The following SPECC1 variants were observed in gnomAD, a reference collection of about 807,000 sequenced individuals.
SPECC1 encodes sperm antigen with calponin homology and coiled-coil domains 1.
In SPECC1, 62 loss-of-function variants were observed where a neutral mutation model predicts 104.1. The observed-to-expected ratio is 0.60, with a 90% CI of 0.49 to 0.74. SPECC1 has a LOEUF of 0.74. Ranked by LOEUF, SPECC1 falls within the 30% of genes least tolerant of loss-of-function variation. The probability of loss-of-function intolerance (pLI) is 0.00; values close to 1 mark genes in which losing one functional copy is unlikely to be tolerated. For synonymous variants in SPECC1, 513 were observed against 501.6 expected (o/e 1.02, Z -0.30); for missense variants, 1,306 against 1,310.5 (o/e 1.00, Z 0.05).
chr17:20,045,160 T>G (rs1411000629), intron 1 of SPECC1, among the ~76,000 whole-genome samples: 1 of 152,122 alleles, frequency 6.6e-6, no homozygotes, highest in Non-Finnish European at 1.5e-5. Context: ...CACACTAGAT[T>G]TTTTTTTCCA....
chr17:20,197,959 A>G (rs1012132982), intron 3 of SPECC1, among the ~76,000 whole-genome samples: 1 of 152,176 alleles, frequency 6.6e-6, no homozygotes, highest in Non-Finnish European at 1.5e-5. Flanking sequence ...AACTGTTTGC[A>G]TAGAGAGTGA....
intron 11 of SPECC1, 149 bp downstream of exon 11, chr17:20,257,756 C>A: frequency 1.8e-6 from 2 of 1,100,338 alleles, no homozygotes; most frequent in Middle Eastern, 2.0e-4. Flanking sequence ...CTTGGTGAGT[C>A]TAAAAGGATG....
intron 13 of SPECC1, among the ~76,000 whole-genome samples, chr17:20,301,990 A>T (rs750747630): frequency 7.2e-5 from 11 of 152,226 alleles, no homozygotes; most frequent in Non-Finnish European, 1.6e-4. Flanking sequence ...TACAGTGGTG[A>T]ATCACTGTGC....
intron 5 of SPECC1, among the ~76,000 whole-genome samples, chr17:20,230,191 A>G (rs950756526): frequency 2.0e-5 from 3 of 152,200 alleles, no homozygotes; most frequent in African/African-American, 4.8e-5. Flanking sequence ...GCTTGCAGGA[A>G]CCTAACCTGT....
At chr17:20,291,309 A>G (rs906012309) in intron 12 of SPECC1, among the ~76,000 whole-genome samples, 3 of 152,230 alleles carry the variant, frequency 2.0e-5, no homozygotes, top group Non-Finnish European at 4.4e-5. Flanking sequence ...AGCAAGCTGC[A>G]GGGCCTCTTT....
chr17:20,177,941 C>T (rs958871359), intron 3 of SPECC1, among the ~76,000 whole-genome samples: 10 of 152,012 alleles, frequency 6.6e-5, no homozygotes, highest in African/African-American at 2.2e-4. Context: ...AACTCCTGAC[C>T]TCGTGATCCG....
At chr17:20,019,490 G>A (rs1205854206) in intron 1 of SPECC1, among the ~76,000 whole-genome samples, 1 of 152,118 alleles carries the variant, frequency 6.6e-6, no homozygotes, top group Non-Finnish European at 1.5e-5. Flanking sequence ...CACGTGCTCA[G>A]CAGCCTTGAG....
chr17:20,146,502 G>A (rs901959108), intron 3 of SPECC1, among the ~76,000 whole-genome samples: 5 of 152,222 alleles, frequency 3.3e-5, no homozygotes, highest in African/African-American at 1.2e-4. Flanking sequence ...GAATAAAACT[G>A]CTATAAACAT....
chr17:20,200,360 G>C (rs1384780157), intron 3 of SPECC1, among the ~76,000 whole-genome samples: 1 of 152,160 alleles, frequency 6.6e-6, no homozygotes, highest in Non-Finnish European at 1.5e-5. Context: ...TTTAAAAAAT[G>C]TCACACTTCA....
intron 3 of SPECC1, among the ~76,000 whole-genome samples, chr17:20,196,952 T>C (rs1404253726): frequency 2.0e-5 from 3 of 152,354 alleles, no homozygotes; most frequent in Admixed American, 2.0e-4. Context: ...CATTACAGTT[T>C]TTGTTTTGCT....
chr17:20,035,037 T>C (rs576460510), intron 1 of SPECC1, among the ~76,000 whole-genome samples: 17 of 152,374 alleles, frequency 1.1e-4, no homozygotes, highest in Non-Finnish European at 1.9e-4. Context: ...CACCCTTTAA[T>C]GAGAGACATA....
At chr17:20,046,513 A>C (rs1035297267) in intron 1 of SPECC1, among the ~76,000 whole-genome samples, 1 of 152,144 alleles carries the variant, frequency 6.6e-6, no homozygotes, top group Non-Finnish European at 1.5e-5. Flanking sequence ...GCCCCTCTGG[A>C]GTTTATGTAC....
At chr17:20,102,975 A>AT (rs2048012552) in intron 2 of SPECC1, among the ~76,000 whole-genome samples, 3 of 152,322 alleles carry the variant, frequency 2.0e-5, no homozygotes. Flanking sequence ...AGTGGGTACC[A>AT]TGATCATACT....
chr17:20,088,482 C>T (rs995357144), intron 1 of SPECC1, among the ~76,000 whole-genome samples: 4 of 152,102 alleles, frequency 2.6e-5, no homozygotes, highest in African/African-American at 9.7e-5. Context: ...CTAGGAGTTC[C>T]AGAAGAGAGA....
chr17:20,164,633 G>A (rs554804451), intron 3 of SPECC1, among the ~76,000 whole-genome samples: 37 of 152,268 alleles, frequency 2.4e-4, no homozygotes, highest in African/African-American at 8.9e-4. Flanking sequence ...AGCATATTCA[G>A]GGATATTCTG....
At chr17:20,067,780 T>C (rs1408413379) in intron 1 of SPECC1, among the ~76,000 whole-genome samples, 2 of 152,182 alleles carry the variant, frequency 1.3e-5, no homozygotes, top group African/African-American at 4.8e-5. Flanking sequence ...GTTTGTATCT[T>C]CACAAAGTTA....
At chr17:20,077,555 C>T (rs569170819) in intron 1 of SPECC1, among the ~76,000 whole-genome samples, 1 of 152,182 alleles carries the variant, frequency 6.6e-6, no homozygotes, top group South Asian at 2.1e-4. Context: ...CAACCTCTGC[C>T]TCCCAGGTTC....
rs1567615755 is a variant in SPECC1, at chr17:20,297,153, G to A, written c.3057+76G>A. On this transcript the variant is annotated intron_variant, in intron 13 of 14. Coordinates refer to ENST00000395527, the MANE Select transcript of SPECC1 (RefSeq NM_001243439.2). ...CTAATTGATAAACCCCACTGTGGGAGGGGGCTTACAGGCCTGAAGTAGAAG... is the reference window on the plus strand; with the variant it reads ...CTAATTGATAAACCCCACTGTGGGAAGGGGCTTACAGGCCTGAAGTAGAAG... 4 of 1,312,698 alleles carry A rather than the reference G, an allele frequency of 3.0e-6. No homozygotes were observed. The East Asian group carries it at 9.7e-5, about 32-fold the overall frequency. The allele number at this position is 1,312,698 out of a possible 1,614,324, so 81.3% of individuals were successfully genotyped here.
chr17:20,064,188 C>T (rs980987279), intron 1 of SPECC1, among the ~76,000 whole-genome samples: 2 of 152,106 alleles, frequency 1.3e-5, no homozygotes, highest in East Asian at 1.9e-4. Context: ...AAACCCAGCT[C>T]GGAGGGAGTG....
Sources: gnomAD v4.1 joint callset for allele counts (sites outside exome capture counted in the v4.1 genomes callset) on GRCh38, gnomAD v4.1.1 for gene constraint, MANE v1.5 for transcripts, NCBI Gene and HGNC (gene_info 2026-07-23, HGNC 2026-07-21) for gene names.